The following GGT5 variants were observed in gnomAD, a reference collection of about 807,000 sequenced individuals.
The protein encoded by GGT5 is glutathione hydrolase 5 proenzyme.
GGT5 carries 50 observed loss-of-function variants against 58.1 expected under a neutral mutation model. The observed-to-expected ratio is 0.86, with a 90% confidence interval of 0.69 to 1.09. GGT5 has a LOEUF of 1.09. GGT5 is among the 50% of genes least tolerant of loss of function. The pLI, the probability that GGT5 is intolerant of heterozygous loss-of-function variation, is 0.00. For missense variants in GGT5, 800 were observed against 789.4 expected (o/e 1.01, Z -0.16); for synonymous variants, 370 against 346.1 (o/e 1.07, Z -0.77).
At position 24,237,816 on chromosome 22, in the gene GGT5, A is replaced by G. The variant is rs573049622; in HGVS notation, c.174-3812T>C. Among the ~76,000 whole-genome samples the G allele has an allele frequency of 1.2e-4, 18 of 152,360 alleles. 2 individuals are homozygous for G. Among genetic ancestry groups the G allele is most frequent in the Admixed American group, 1.1e-3 (17 of 15,306 alleles). ...ATGAGAAAGCACAGACAACTTTTAA[A>G]AAGGTCCATAGGATCTCCAGATTAT... is the stretch of plus-strand genomic sequence containing the variant. On this transcript the variant is annotated intron_variant, in intron 1 of 11. Coordinates refer to ENST00000327365, the MANE Select transcript of GGT5 (RefSeq NM_004121.5).
chr22:24,234,961 C>T (rs748483519), intron 1 of GGT5, among the ~76,000 whole-genome samples: 3 of 152,048 alleles, frequency 2.0e-5, no homozygotes, highest in Non-Finnish European at 2.9e-5. Context: ...TGATCCCTGT[C>T]CCTGGGGCAC....
At chr22:24,236,587 C>T (rs2048102711) in intron 1 of GGT5, among the ~76,000 whole-genome samples, 1 of 152,048 alleles carries the variant, frequency 6.6e-6, no homozygotes, top group African/African-American at 2.4e-5. Flanking sequence ...CACGGTGAAA[C>T]CCCATCTCTA....
intron 1 of GGT5, among the ~76,000 whole-genome samples, chr22:24,238,955 TATA>T (rs201249697): frequency 0.071 from 3,042 of 43,132 alleles, 469 homozygotes; most frequent in Admixed American, 0.13. Context: ...TATATATATA[TATA>T]ATATATATAT....
intron 1 of GGT5, among the ~76,000 whole-genome samples, chr22:24,235,976 A>G (rs1377577473): frequency 1.3e-5 from 2 of 152,140 alleles, no homozygotes. Context: ...GGCTTGGTCC[A>G]TGGTCCTTGT....
Position 24,244,630 on chromosome 22 carries a change from G to C in GGT5, c.96C>G (p.His32Gln). 6.2e-7 allele frequency: 1 copy of C among 1,612,884 alleles called. No individual in the cohort carries two copies. The highest frequency in any genetic ancestry group is 1.1e-5 in the South Asian group (1 of 91,038). Residue 32 changes from histidine to glutamine, a missense_variant, in exon 1 of 12, where the codon CAC becomes CAG. Coordinates refer to ENST00000327365, the MANE Select transcript of GGT5 (RefSeq NM_004121.5). ...AGGCCTGGGGGCCACATGGGGCCTGGTGTCGAGAGAGGACCACAGCCAGCA... is the reference window on the plus strand; with the variant it reads ...AGGCCTGGGGGCCACATGGGGCCTGCTGTCGAGAGAGGACCACAGCCAGCA... ...VIVLAVVLSR[H>Q]QAPCGPQAFA...
rs2047748111 is a variant in GGT5, at chr22:24,225,986, T to C, written c.1229+90A>G. The C allele has an allele frequency of 5.4e-6, 5 of 919,526 alleles. No individual in the cohort carries two copies. In the Admixed American group the frequency reaches 8.6e-5, roughly 16 times the overall value. 57.0% of individuals were successfully genotyped at this position (919,526 alleles called of 1,614,324 possible). A position where few individuals can be genotyped will look rare whatever the true frequency, so the allele number is the denominator to read the frequency against. On this transcript the variant is annotated intron_variant, in intron 8 of 11. Transcript: ENST00000327365. ...AGGGCAAAAGCAAGGTGCTGCCCCG[T>C]GGGGACAAGTGAGGGGACATGGGGC...
chr22:24,243,444 G>A (rs1367608339), intron 1 of GGT5: 1 of 152,258 alleles, frequency 6.6e-6, no homozygotes, highest in Non-Finnish European at 1.5e-5. Flanking sequence ...TCAGGGCAGG[G>A]AAGGATGGAC....
rs369876864 is a variant in GGT5 at position 24,220,090 on chromosome 22, A to G, written c.1641T>C (p.Arg547=). The G allele has an allele frequency of 1.2e-6, 2 of 1,614,082 alleles. No homozygotes were observed. The highest frequency in any genetic ancestry group is 1.3e-5 in the African/African-American group (1 of 74,932). ...AGGGCCTCTGGGTCTGGTTCTGGCC[A>G]CGGTCTTGGAGTCCCCTCTGCACCT... The part of the protein sequence containing the change: ...SQEVQRGLQD[R]GQNQTQRPFF... The change falls in exon 12 of 12, where the codon CGT becomes CGC. Residue 547 remains arginine (R), a synonymous_variant. Coordinates refer to ENST00000327365, the MANE Select transcript of GGT5 (RefSeq NM_004121.5).
At position 24,233,985 on chromosome 22, in the gene GGT5, C is replaced by A. The variant is rs1168323743; in HGVS notation, c.193G>T (p.Gly65Cys). The change falls in exon 2 of 12, where the codon GGC (glycine) becomes TGC (cysteine). Residue 65 changes from glycine to cysteine, a missense_variant. Physicochemically the swap from Gly to Cys is radical, Grantham distance 159. Coordinates refer to ENST00000327365, the MANE Select transcript of GGT5 (RefSeq NM_004121.5). ...DIGRAILQQQ[G>C]SPVDATIAAL... is the part of the protein sequence containing the mutation. ...GCGATGGTGGCATCCACGGGTGAGC[C>A]CTGCTGCTGGAGGATGGCTCTAGGG... 3 of 1,612,012 alleles carry A rather than the reference C, an allele frequency of 1.9e-6. No individual in the cohort carries two copies. Among genetic ancestry groups the A allele is most frequent in the Non-Finnish European group, 8.5e-7 (1 of 1,179,290 alleles).
At chr22:24,232,766 G>A in intron 4 of GGT5, 57 bp downstream of exon 4, 2 of 1,245,740 alleles carry the variant, frequency 1.6e-6, no homozygotes, top group Non-Finnish European at 2.2e-6. Context: ...TGTGGACTGG[G>A]CCCAGACAGG....
At chr22:24,231,947 G>T in intron 5 of GGT5, 104 bp downstream of exon 5, 1 of 963,862 alleles carries the variant, frequency 1.0e-6, no homozygotes, top group Non-Finnish European at 1.6e-6. Flanking sequence ...GGCACTGCCT[G>T]CACTCCCTCA....
intron 8 of GGT5, among the ~76,000 whole-genome samples, 170 bp from the exon 9 acceptor site, chr22:24,225,822 G>A (rs557389866): frequency 6.6e-6 from 1 of 152,216 alleles, no homozygotes; most frequent in African/African-American, 2.4e-5. Context: ...AGACCCACCT[G>A]TGCCCCCACA....
At chr22:24,231,798 A>G (rs541382163) in intron 5 of GGT5, among the ~76,000 whole-genome samples, 8 of 152,184 alleles carry the variant, frequency 5.3e-5, no homozygotes, top group Admixed American at 1.3e-4. Flanking sequence ...GAGAATGGTC[A>G]GCTCGGCTAC....
intron 4 of GGT5, 61 bp from the exon 5 acceptor site, chr22:24,232,269 G>A: frequency 1.0e-6 from 1 of 996,398 alleles, no homozygotes; most frequent in Non-Finnish European, 1.5e-6. Flanking sequence ...CACTCTTCCG[G>A]GGCTCTCATG....
Position 24,230,241 on chromosome 22 carries a change from G to A in GGT5, c.901+1143C>T, listed in dbSNP as rs75989423. 9.2e-5 allele frequency among the ~76,000 whole-genome samples: 14 copies of A among 151,950 alleles called. No individual in the cohort carries two copies. In the East Asian group the frequency reaches 2.5e-3, roughly 27 times the overall value. On this transcript the variant is annotated intron_variant, in intron 6 of 11. Transcript: ENST00000327365. ...AAATTAACTCGGTGTCGTGGCAAGC[G>A]CCTGTAATCCCAGCTACTTGGGAGA...
Position 24,233,134 on chromosome 22 carries a change from C to CA in GGT5, c.401-117dup, listed in dbSNP as rs1417813372. The stretch of plus-strand genomic sequence containing the variant: ...GCCAGAGTGAGCTTTCTGGAGCCCA[C>CA]ACCCGACCACGTCCCTCCCTGCTCA... On this transcript the variant is annotated intron_variant, in intron 3 of 11. Coordinates refer to ENST00000327365, the MANE Select transcript of GGT5 (RefSeq NM_004121.5). The CA allele has an allele frequency of 5.2e-5, 40 of 764,386 alleles. No homozygotes were observed. The African/African-American group carries it at 6.7e-4, about 13-fold the overall frequency. The allele number at this position is 764,386 out of a possible 1,614,324, so 47.4% of individuals were successfully genotyped here.
intron 11 of GGT5, among the ~76,000 whole-genome samples, chr22:24,223,530 C>A (rs181574847): frequency 6.6e-6 from 1 of 152,160 alleles, no homozygotes; most frequent in African/African-American, 2.4e-5. Context: ...TGCGAAGGAC[C>A]CTACATGCGG....
chr22:24,232,000 C>G, intron 5 of GGT5, 51 bp downstream of exon 5: 1 of 1,528,134 alleles, frequency 6.5e-7, no homozygotes, highest in Non-Finnish European at 9.0e-7. Flanking sequence ...GTGCCCAGAA[C>G]TTGGCTCTTC....
At chr22:24,234,817 C>CA (rs1792380802) in intron 1 of GGT5, among the ~76,000 whole-genome samples, 1 of 149,128 alleles carries the variant, frequency 6.7e-6, no homozygotes, top group Non-Finnish European at 1.5e-5. Context: ...AAGACTGCCT[C>CA]AAAAAAGAAA....
Sources: gnomAD v4.1 joint callset for allele counts (sites outside exome capture counted in the v4.1 genomes callset) on GRCh38, gnomAD v4.1.1 for gene constraint, MANE v1.5 for transcripts, NCBI Gene and HGNC (gene_info 2026-07-23, HGNC 2026-07-21) for gene names.